The following RPN2 variants were observed in gnomAD, a reference collection of about 807,000 sequenced individuals.
RPN2 encodes dolichyl-diphosphooligosaccharide--protein glycosyltransferase subunit 2.
A neutral mutation model predicts 71.4 loss-of-function variants in RPN2; 29 were observed. The observed-to-expected ratio is 0.41, with a 90% CI of 0.30 to 0.55. The LOEUF (loss-of-function observed/expected upper bound fraction) is 0.55. Ranked by LOEUF, RPN2 falls within the 20% of genes least tolerant of loss-of-function variation. The probability of loss-of-function intolerance (pLI) is 0.35; values close to 1 mark genes in which losing one functional copy is unlikely to be tolerated. For missense variants in RPN2, 726 were observed against 774.1 expected, an observed-to-expected ratio of 0.94 and a Z score of 0.74; for synonymous variants, 308 against 305.0, an observed-to-expected ratio of 1.01 and a Z score of -0.10.
intron 2 of RPN2, among the ~76,000 whole-genome samples, chr20:37,187,909 C>G (rs1361921077): frequency 3.3e-5 from 5 of 152,164 alleles, no homozygotes; most frequent in Non-Finnish European, 7.3e-5. Flanking sequence ...TCCCAAAATG[C>G]TGGGATTACA....
At chr20:37,197,354 G>A (rs1191079924) in intron 2 of RPN2, among the ~76,000 whole-genome samples, 1 of 152,200 alleles carries the variant, frequency 6.6e-6, no homozygotes, top group East Asian at 1.9e-4. Context: ...GCTTTAGACC[G>A]CTTAGGAGAT....
rs139747196 is a variant in RPN2, at chr20:37,199,725, G to T, written c.479+500G>T. 4.7e-3 allele frequency among the ~76,000 whole-genome samples: 720 copies of T among 152,320 alleles called. 7 individuals are homozygous for T. The highest frequency in any genetic ancestry group is 0.016 in the African/African-American group (685 of 41,570). ...TCTAGGAATCAGACTCTACTACTCTGCAAAAGGCTTAGGTGAAGGAGAAGC... is the reference window on the plus strand; with the variant it reads ...TCTAGGAATCAGACTCTACTACTCTTCAAAAGGCTTAGGTGAAGGAGAAGC... On this transcript the variant is annotated intron_variant, in intron 4 of 16. Coordinates refer to ENST00000237530, the MANE Select transcript of RPN2 (RefSeq NM_002951.5).
chr20:37,209,664 T>G (rs773856578), intron 7 of RPN2, among the ~76,000 whole-genome samples: 1 of 151,330 alleles, frequency 6.6e-6, no homozygotes, highest in Non-Finnish European at 1.5e-5. Flanking sequence ...TTTTTTTTGG[T>G]AGAAACGAGG....
chr20:37,222,272 C>T (rs1671454365), intron 9 of RPN2, among the ~76,000 whole-genome samples: 1 of 152,186 alleles, frequency 6.6e-6, no homozygotes, highest in Non-Finnish European at 1.5e-5. Flanking sequence ...CATAATTTCA[C>T]CCAGTTGCCT....
intron 1 of RPN2, among the ~76,000 whole-genome samples, chr20:37,181,727 T>A (rs916752659): frequency 6.6e-6 from 1 of 152,132 alleles, no homozygotes; most frequent in Non-Finnish European, 1.5e-5. Flanking sequence ...CCATATTGGG[T>A]TTTTCTTCTT....
intron 4 of RPN2, among the ~76,000 whole-genome samples, chr20:37,202,587 A>C (rs185048899): frequency 5.3e-5 from 8 of 152,364 alleles, no homozygotes; most frequent in Admixed American, 2.0e-4. Context: ...GAAAAGCACC[A>C]TTTATATTTT....
intron 1 of RPN2, among the ~76,000 whole-genome samples, chr20:37,181,490 G>GCTCA (rs1311364722): frequency 6.8e-6 from 1 of 147,606 alleles, no homozygotes; most frequent in Non-Finnish European, 1.5e-5. Flanking sequence ...CACGATCTCA[G>GCTCA]CTCACTGCCC....
At chr20:37,220,128 G>A (rs2067914432) in intron 9 of RPN2, among the ~76,000 whole-genome samples, 1 of 152,164 alleles carries the variant, frequency 6.6e-6, no homozygotes, top group African/African-American at 2.4e-5. Context: ...TAGTGATGGA[G>A]TAAGCATTAC....
At chr20:37,184,628 T>A (rs2066965805) in intron 2 of RPN2, among the ~76,000 whole-genome samples, 2 of 152,058 alleles carry the variant, frequency 1.3e-5, no homozygotes, top group Non-Finnish European at 2.9e-5. Context: ...CTGACTCTGC[T>A]AAAAATAGAA....
intron 9 of RPN2, among the ~76,000 whole-genome samples, chr20:37,220,549 T>C (rs1432791311): frequency 1.3e-5 from 2 of 152,210 alleles, no homozygotes; most frequent in Non-Finnish European, 2.9e-5. Context: ...CGTTAAAACA[T>C]TTTTTGAGAT....
intron 7 of RPN2, 137 bp downstream of exon 7, chr20:37,207,586 C>T: frequency 1.2e-6 from 1 of 825,658 alleles, no homozygotes; most frequent in Admixed American, 1.9e-5. Flanking sequence ...AGGCTCATTT[C>T]CCTGAGCCTT....
rs200454814 is a variant in RPN2, at chr20:37,228,603, C to T, written c.1353C>T (p.Ala451=). 4.6e-5 allele frequency: 74 copies of T among 1,614,072 alleles called. No individual in the cohort carries two copies. Among genetic ancestry groups the T allele is most frequent in the South Asian group, 2.4e-4 (22 of 91,080 alleles). The change falls in exon 12 of 17, where the codon GCC becomes GCT. Residue 451 remains alanine (A), a synonymous_variant. Coordinates refer to ENST00000237530, the MANE Select transcript of RPN2 (RefSeq NM_002951.5). ...CTGGCCAGGAAGTGGTGTTTGTTGC[C>T]GAGCCAGACAACAAGAACGTGTACA... ...QKTGQEVVFV[A]EPDNKNVYKF...
chr20:37,230,404 A>C (rs990635518), intron 13 of RPN2, among the ~76,000 whole-genome samples: 2 of 152,154 alleles, frequency 1.3e-5, no homozygotes, highest in African/African-American at 4.8e-5. Context: ...ATCAGGGCTG[A>C]TGGGGCGACA....
chr20:37,235,369 T>A (rs1363754611), intron 15 of RPN2, among the ~76,000 whole-genome samples: 2 of 152,208 alleles, frequency 1.3e-5, no homozygotes, highest in Non-Finnish European at 2.9e-5. Context: ...CTCATTTGAT[T>A]ATCATCATAG....
At chr20:37,222,397 GTT>G (rs11478765) in intron 9 of RPN2, among the ~76,000 whole-genome samples, 7 of 150,816 alleles carry the variant, frequency 4.6e-5, no homozygotes, top group African/African-American at 1.7e-4. Flanking sequence ...AACCTTTACA[GTT>G]TTTTTTTTTA....
chr20:37,212,831 T>G (rs940075959), intron 8 of RPN2, among the ~76,000 whole-genome samples: 3 of 152,098 alleles, frequency 2.0e-5, no homozygotes, highest in Non-Finnish European at 4.4e-5. Context: ...GATCAGGAGT[T>G]TTCAATTTTA....
At chr20:37,210,724 G>T (rs1355423012) in intron 8 of RPN2, among the ~76,000 whole-genome samples, 7 of 151,842 alleles carry the variant, frequency 4.6e-5, no homozygotes. Flanking sequence ...TAGAGACAGG[G>T]TTTCCCCATG....
At chr20:37,228,436 A>G in intron 11 of RPN2, 114 bp from the exon 12 acceptor site, 1 of 999,838 alleles carries the variant, frequency 1.0e-6, no homozygotes, top group Non-Finnish European at 1.6e-6. Flanking sequence ...CAGATCCCAG[A>G]GCTCTCACTG....
At position 37,203,907 on chromosome 20, in the gene RPN2, G is replaced by T; in HGVS notation, c.502G>T (p.Ala168Ser). 1 of 1,613,994 alleles carries T rather than the reference G, an allele frequency of 6.2e-7. No individual in the cohort carries two copies. Among genetic ancestry groups the T allele is most frequent in the Non-Finnish European group, 8.5e-7 (1 of 1,179,850 alleles). The change falls in exon 5 of 17, where the codon GCA becomes TCA. Residue 168 changes from alanine to serine, a missense_variant. Physicochemically the swap from Ala to Ser is moderately conservative, Grantham distance 99. Coordinates refer to ENST00000237530, the MANE Select transcript of RPN2 (RefSeq NM_002951.5). ...CAGAACAGTCCAGGCTCTGCAGACA[G>T]CATCCCACCTGTCCCAGCAGGCTGA... ...VLATVQALQT[A>S]SHLSQQADLR...
Sources: gnomAD v4.1 joint callset for allele counts (sites outside exome capture counted in the v4.1 genomes callset) on GRCh38, gnomAD v4.1.1 for gene constraint, MANE v1.5 for transcripts, NCBI Gene and HGNC (gene_info 2026-07-23, HGNC 2026-07-21) for gene names.